The following ANKRD11 variants were observed in gnomAD, a reference collection of about 807,000 sequenced individuals.
ANKRD11 encodes ankyrin repeat domain-containing protein 11.
Under a neutral mutation model 195.7 loss-of-function variants are expected in ANKRD11, and 17 were observed. The observed-to-expected ratio is 0.09, with a 90% CI of 0.06 to 0.13. The LOEUF (loss-of-function observed/expected upper bound fraction) is 0.13, where lower values mean the gene tolerates loss of function less well. Ranked by LOEUF, ANKRD11 falls within the 10% of genes least tolerant of loss-of-function variation. The probability of loss-of-function intolerance (pLI) is 1.00; values close to 1 mark genes in which losing one functional copy is unlikely to be tolerated. For synonymous variants in ANKRD11, 1,953 were observed against 1,528.1 expected, an observed-to-expected ratio of 1.28 and a Z score of -6.49; for missense variants, 3,735 against 3,566.1, an observed-to-expected ratio of 1.05 and a Z score of -1.21.
At chr16:89,482,277 C>G (rs2057468468) in intron 1 of ANKRD11, among the ~76,000 whole-genome samples, 1 of 152,178 alleles carries the variant, frequency 6.6e-6, no homozygotes, top group Non-Finnish European at 1.5e-5. Context: ...GTGAGCCACA[C>G]GTCAGCCACA....
chr16:89,414,011 C>T (rs2042200070), intron 2 of ANKRD11, among the ~76,000 whole-genome samples: 1 of 152,136 alleles, frequency 6.6e-6, no homozygotes, highest in African/African-American at 2.4e-5. Context: ...ACTTCCAGCC[C>T]AGCCACCACC....
chr16:89,313,921 G>C (rs1453643985), intron 3 of ANKRD11, among the ~76,000 whole-genome samples: 5 of 152,326 alleles, frequency 3.3e-5, no homozygotes, highest in African/African-American at 1.2e-4. Flanking sequence ...TTTACTGTGA[G>C]TAGTTGGAAA....
Position 89,280,545 on chromosome 16 carries a change from G to T in ANKRD11, c.5997C>A (p.Pro1999=), listed in dbSNP as rs748832367. 6.2e-7 allele frequency: 1 copy of T among 1,612,856 alleles called. No individual in the cohort carries two copies. The highest frequency in any genetic ancestry group is 1.3e-5 in the African/African-American group (1 of 75,056). Residue 1999 remains proline, a synonymous_variant, in exon 9 of 13, where the codon CCC becomes CCA. Transcript: ENST00000301030. Reference sequence around the variant, plus strand: ...AGGGCCCTGGGGCGGCAGAGTGGAGGGGGTCCGCGGGGCAGAAACGCTTTG... The same window carrying T: ...AGGGCCCTGGGGCGGCAGAGTGGAGTGGGTCCGCGGGGCAGAAACGCTTTG... The part of the protein sequence containing the change: ...ESPKRFCPAD[P]LHSAAPGPFS...
Position 89,280,224 on chromosome 16 carries a change from G to A in ANKRD11, c.6318C>T (p.Ser2106=), listed in dbSNP as rs1274849471. The A allele has an allele frequency of 1.2e-6, 2 of 1,607,936 alleles. No homozygotes were observed. The highest frequency in any genetic ancestry group is 1.7e-6 in the Non-Finnish European group (2 of 1,179,370). ...GPLENSFLDG[S]RGLSHLGQVE... is the part of the protein sequence containing the mutation. ...CCTGGCCGAGGTGAGACAGGCCGCG[G>A]CTGCCGTCCAGGAAGCTATTTTCCA... Residue 2106 remains serine, a synonymous_variant, in exon 9 of 13, where the codon AGC becomes AGT. Transcript: ENST00000301030.
At chr16:89,278,309 GGTA>G (rs1420528690) in intron 9 of ANKRD11, 5 of 354,450 alleles carry the variant, frequency 1.4e-5, no homozygotes, top group Non-Finnish European at 2.8e-5. Context: ...GACCCCAGTG[GGTA>G]GGAGGAGGTG....
intron 2 of ANKRD11, among the ~76,000 whole-genome samples, chr16:89,409,468 G>A (rs2042034582): frequency 6.6e-6 from 1 of 152,186 alleles, no homozygotes; most frequent in African/African-American, 2.4e-5. Flanking sequence ...CCTGCCCACA[G>A]CATAAAAACA....
At chr16:89,359,732 T>C (rs1300304847) in intron 2 of ANKRD11, among the ~76,000 whole-genome samples, 2 of 152,224 alleles carry the variant, frequency 1.3e-5, no homozygotes. Flanking sequence ...GGTCTTCATA[T>C]CTGAGTCTCA....
At chr16:89,427,064 G>T (rs1352775963) in intron 1 of ANKRD11, among the ~76,000 whole-genome samples, 1 of 152,206 alleles carries the variant, frequency 6.6e-6, no homozygotes, top group Admixed American at 6.5e-5. Context: ...AATCAATTCA[G>T]CAGAGCTGCA....
intron 2 of ANKRD11, among the ~76,000 whole-genome samples, chr16:89,337,003 CT>C (rs1797872510): frequency 1.4e-5 from 1 of 73,970 alleles, no homozygotes; most frequent in Non-Finnish European, 2.6e-5. Context: ...AACCCTGGCT[CT>C]ACCAAAAAAA....
chr16:89,488,560 C>G (rs1373301124), intron 1 of ANKRD11, among the ~76,000 whole-genome samples: 1 of 151,520 alleles, frequency 6.6e-6, no homozygotes, highest in Non-Finnish European at 1.5e-5. Context: ...TAAGAGAAAT[C>G]AAGGTCTCAG....
intron 2 of ANKRD11, among the ~76,000 whole-genome samples, chr16:89,396,343 C>CA (rs2041427707): frequency 1.3e-5 from 2 of 152,292 alleles, no homozygotes; most frequent in African/African-American, 4.8e-5. Flanking sequence ...TGTGGACACA[C>CA]AGGCACACTC....
chr16:89,436,445 G>A (rs1350310904), intron 1 of ANKRD11, among the ~76,000 whole-genome samples: 1 of 151,938 alleles, frequency 6.6e-6, no homozygotes, highest in Non-Finnish European at 1.5e-5. Context: ...AGTTTCTCCT[G>A]ACAGATGACA....
intron 9 of ANKRD11, among the ~76,000 whole-genome samples, chr16:89,275,436 G>A (rs894636301): frequency 5.9e-5 from 9 of 152,234 alleles, no homozygotes; most frequent in Non-Finnish European, 1.3e-4. Context: ...GATAGTGCAG[G>A]GAGAGGCGCG....
In ANKRD11 at chr16:89,280,451, C is replaced by G; in HGVS notation, c.6091G>C (p.Glu2031Gln). 3 of 1,587,428 alleles carry G rather than the reference C, an allele frequency of 1.9e-6. No homozygotes were observed. The highest frequency in any genetic ancestry group is 1.3e-5 in the African/African-American group (1 of 74,180). ...SPAPYALPVAEPGLEDVKDGV... is the reference protein window; with the variant it reads ...SPAPYALPVAQPGLEDVKDGV... ...TCCTTGACGTCCTCCAGCCCCGGCT[C>G]AGCGACGGGCAGAGCGTACGGGGCA... Residue 2031 changes from glutamate to glutamine, a missense_variant, in exon 9 of 13, where the codon GAG becomes CAG. Physicochemically the swap from Glu to Gln is conservative, Grantham distance 29 (BLOSUM62 2). Transcript: ENST00000301030.
intron 2 of ANKRD11, among the ~76,000 whole-genome samples, chr16:89,339,424 C>T (rs1484367535): frequency 1.3e-5 from 2 of 152,198 alleles, no homozygotes; most frequent in Admixed American, 6.5e-5. Flanking sequence ...TAGCATCACA[C>T]AGGTCAGATC....
intron 2 of ANKRD11, among the ~76,000 whole-genome samples, chr16:89,389,788 G>A (rs541871812): frequency 1.0e-4 from 15 of 145,926 alleles, no homozygotes; most frequent in East Asian, 8.3e-4. Context: ...GGCAAACACC[G>A]AGTGTGGCGG....
At chr16:89,377,977 TCTTC>T (rs1263882538) in intron 2 of ANKRD11, among the ~76,000 whole-genome samples, 2 of 152,122 alleles carry the variant, frequency 1.3e-5, no homozygotes, top group Non-Finnish European at 2.9e-5. Flanking sequence ...ACATATTTTC[TCTTC>T]CTTATGATTT....
chr16:89,312,126 G>A (rs755789001), intron 3 of ANKRD11, among the ~76,000 whole-genome samples: 2 of 152,154 alleles, frequency 1.3e-5, no homozygotes, highest in Non-Finnish European at 2.9e-5. Context: ...TCGAACTCCC[G>A]ACCTCGGGTG....
At chr16:89,300,909 T>G in intron 4 of ANKRD11, 3 of 701,366 alleles carry the variant, frequency 4.3e-6, no homozygotes, top group Non-Finnish European at 7.8e-6. Flanking sequence ...CCCATGGCGC[T>G]CCTGACGAGG....
Sources: gnomAD v4.1 joint callset for allele counts (sites outside exome capture counted in the v4.1 genomes callset) on GRCh38, gnomAD v4.1.1 for gene constraint, MANE v1.5 for transcripts, NCBI Gene and HGNC (gene_info 2026-07-23, HGNC 2026-07-21) for gene names.